The following TM6SF1 variants were observed in gnomAD, a reference collection of about 807,000 sequenced individuals.
The protein encoded by TM6SF1 is transmembrane 6 superfamily member 1.
A neutral mutation model predicts 47.1 loss-of-function variants in TM6SF1; 43 were observed. The observed-to-expected ratio is 0.91, with a 90% CI of 0.72 to 1.18. TM6SF1 has a LOEUF of 1.18. Ranked by LOEUF, TM6SF1 falls within the 50% of genes most tolerant of loss-of-function variation. The pLI, the probability that TM6SF1 is intolerant of heterozygous loss-of-function variation, is 0.00. For missense variants in TM6SF1, 390 were observed against 449.0 expected, an observed-to-expected ratio of 0.87 and a Z score of 1.19; for synonymous variants, 177 against 166.3, an observed-to-expected ratio of 1.06 and a Z score of -0.49.
Position 83,129,398 on chromosome 15 carries a change from A to G in TM6SF1, c.921+1921A>G, listed in dbSNP as rs575472105. On this transcript the variant is annotated intron_variant, in intron 9 of 9. Coordinates refer to ENST00000322019, the MANE Select transcript of TM6SF1 (RefSeq NM_023003.5). The stretch of plus-strand genomic sequence containing the variant: ...AAGGTCCAGGCCTGGCACCAGGTCA[A>G]CTGAGGGGAGGCTGGTGACTGTGGT... The G allele has an allele frequency of 4.1e-4, 62 of 152,314 alleles. 1 individual carries two copies. Among genetic ancestry groups the G allele is most frequent in the African/African-American group, 1.5e-3 (62 of 41,558 alleles). The allele number at this position is 152,314 out of a possible 1,614,324, so 9.4% of individuals were successfully genotyped here.
intron 4 of TM6SF1, 30 bp downstream of exon 4, chr15:83,119,711 G>A: frequency 6.2e-7 from 1 of 1,613,144 alleles, no homozygotes; most frequent in Non-Finnish European, 8.5e-7. Context: ...GTGTGCCTTT[G>A]CCACCTTAGC....
At chr15:83,121,887 CCAAGT>C (rs1567143643) in intron 4 of TM6SF1, 29 bp from the exon 5 acceptor site, 2 of 1,521,762 alleles carry the variant, frequency 1.3e-6, no homozygotes, top group East Asian at 2.3e-5. Context: ...GACAAACATA[CCAAGT>C]CAAGATTTTT....
chr15:83,115,701 G>T, intron 2 of TM6SF1, 144 bp from the exon 3 acceptor site: 2 of 716,358 alleles, frequency 2.8e-6, no homozygotes, highest in Non-Finnish European at 5.1e-6. Context: ...TGTAGAAGGG[G>T]TATTCTGTTA....
At position 83,136,733 on chromosome 15, in the gene TM6SF1, T is replaced by C. The variant is rs1354354551; in HGVS notation, c.*61T>C. On this transcript the variant is annotated 3_prime_UTR_variant, in exon 10 of 10. Transcript: ENST00000322019. Reference sequence around the variant, plus strand: ...AACTTTTGTTATACTGGTACTGATATTTTGTCCCATTTCACTCTCTTCTCA... The same window carrying C: ...AACTTTTGTTATACTGGTACTGATACTTTGTCCCATTTCACTCTCTTCTCA... 7.1e-7 allele frequency: 1 copy of C among 1,400,342 alleles called. No homozygotes were observed. The highest frequency in any genetic ancestry group is 2.1e-5 in the Admixed American group (1 of 46,576). The allele number at this position is 1,400,342 out of a possible 1,614,324, so 86.7% of individuals were successfully genotyped here. A position where few individuals can be genotyped will look rare whatever the true frequency, so the allele number is the denominator to read the frequency against.
intron 6 of TM6SF1, 53 bp from the exon 7 acceptor site, chr15:83,124,619 A>G: frequency 7.3e-7 from 1 of 1,377,144 alleles, no homozygotes; most frequent in Non-Finnish European, 1.0e-6. Context: ...TTCAGATTTC[A>G]GATTCTTCTT....
At chr15:83,109,814 T>C (rs1218366245) in intron 1 of TM6SF1, among the ~76,000 whole-genome samples, 1 of 152,182 alleles carries the variant, frequency 6.6e-6, no homozygotes, top group Admixed American at 6.5e-5. Flanking sequence ...CTCCAGCCTC[T>C]AGCCCGGACT....
chr15:83,125,714 G>T (rs73455417), intron 7 of TM6SF1, among the ~76,000 whole-genome samples: 2 of 152,328 alleles, frequency 1.3e-5, no homozygotes, highest in Admixed American at 6.5e-5. Flanking sequence ...GTTGGCGCGC[G>T]TAACAGTTGG....
At chr15:83,108,123 C>A (rs2033832372) in intron 1 of TM6SF1, among the ~76,000 whole-genome samples, 1 of 152,202 alleles carries the variant, frequency 6.6e-6, no homozygotes, top group Admixed American at 6.5e-5. Context: ...ACGAACCTGG[C>A]CGTGTCAGCT....
intron 1 of TM6SF1, 29 bp from the exon 2 acceptor site, chr15:83,112,768 T>G (rs772235568): frequency 8.6e-6 from 13 of 1,518,666 alleles, no homozygotes; most frequent in Non-Finnish European, 1.2e-5. Context: ...ATTTTGATAG[T>G]GACCACCTCC....
intron 2 of TM6SF1, chr15:83,115,556 T>A (rs543209725): frequency 1.1e-5 from 6 of 538,932 alleles, no homozygotes; most frequent in South Asian, 1.0e-4. Flanking sequence ...TGGGTGGAGT[T>A]GGCCTGCTAG....
At chr15:83,132,926 G>A (rs961347563) in intron 9 of TM6SF1, 3 of 152,156 alleles carry the variant, frequency 2.0e-5, no homozygotes, top group African/African-American at 7.2e-5. Context: ...AGGTCAAAAG[G>A]TCAAGAGAAT....
chr15:83,129,328 A>C (rs1294727264), intron 9 of TM6SF1: 1 of 152,224 alleles, frequency 6.6e-6, no homozygotes, highest in African/African-American at 2.4e-5. Context: ...TAACACAATT[A>C]AAATTTTAAT....
At chr15:83,128,285 T>G (rs997993084) in intron 9 of TM6SF1, 15 of 152,218 alleles carry the variant, frequency 9.9e-5, no homozygotes, top group African/African-American at 3.6e-4. Context: ...TTCACACGGT[T>G]GAAAAATATA....
rs1234746444 is a variant in TM6SF1, at chr15:83,122,219, G to C, written c.481+216G>C. ...GATGTGTGCATTGAACAATTTGGCA[G>C]TCAAGTTATCAGGGATTCCTGTTTT... On this transcript the variant is annotated intron_variant, in intron 5 of 9. Transcript: ENST00000322019. Among the ~76,000 whole-genome samples the C allele has an allele frequency of 1.3e-5, 2 of 152,194 alleles. 1 individual carries two copies. Among genetic ancestry groups the C allele is most frequent in the African/African-American group, 4.8e-5 (2 of 41,452 alleles).
rs1049861392 is a variant in TM6SF1, at chr15:83,110,521, C to T, written c.93-2276C>T. Among the ~76,000 whole-genome samples the T allele has an allele frequency of 1.5e-4, 23 of 152,316 alleles. 1 individual carries two copies. The East Asian group carries it at 4.2e-3, about 28-fold the overall frequency. Reference sequence around the variant, plus strand: ...TGAGAGGACGCTGTGAACCAGTTCACACTGCTCTGTCCTGCTCCAGAAGAG... The same window carrying T: ...TGAGAGGACGCTGTGAACCAGTTCATACTGCTCTGTCCTGCTCCAGAAGAG... On this transcript the variant is annotated intron_variant, in intron 1 of 9. Coordinates refer to ENST00000322019, the MANE Select transcript of TM6SF1 (RefSeq NM_023003.5).
At chr15:83,110,995 C>T (rs2034097576) in intron 1 of TM6SF1, among the ~76,000 whole-genome samples, 1 of 152,156 alleles carries the variant, frequency 6.6e-6, no homozygotes, top group Non-Finnish European at 1.5e-5. Context: ...CTCAGCCTCC[C>T]AAGTAGCGGG....
At chr15:83,119,499 T>C in intron 3 of TM6SF1, 79 bp from the exon 4 acceptor site, 1 of 1,406,888 alleles carries the variant, frequency 7.1e-7, no homozygotes, top group Non-Finnish European at 9.9e-7. Flanking sequence ...TGCTGTTTTA[T>C]TTTACTTGCA....
chr15:83,120,015 C>T (rs1029211946), intron 4 of TM6SF1: 1 of 243,614 alleles, frequency 4.1e-6, no homozygotes, highest in Non-Finnish European at 8.1e-6. Context: ...AAACAGCAAT[C>T]TCATTTCGGT....
intron 6 of TM6SF1, among the ~76,000 whole-genome samples, chr15:83,124,447 G>C (rs940046687): frequency 3.3e-5 from 5 of 152,018 alleles, no homozygotes; most frequent in African/African-American, 1.2e-4. Context: ...AGAGCTACAA[G>C]AGCCCTTCGA....
Sources: allele counts gnomAD v4.1 joint callset (sites outside exome capture counted in the v4.1 genomes callset), GRCh38; gene constraint gnomAD v4.1.1; transcripts MANE v1.5; gene names NCBI Gene and HGNC (gene_info 2026-07-23, HGNC 2026-07-21).